The following KIAA1671 variants were observed in gnomAD, a reference collection of about 807,000 sequenced individuals.
KIAA1671 encodes the protein uncharacterized protein KIAA1671.
Under a neutral mutation model 131.2 loss-of-function variants are expected in KIAA1671, and 52 were observed. That is an observed-to-expected ratio of 0.40 (90% confidence interval 0.32 to 0.50). KIAA1671 has a LOEUF of 0.50. Among genes scored for constraint, KIAA1671 ranks in the 20% least tolerant of loss-of-function variants. The pLI, the probability that KIAA1671 is intolerant of heterozygous loss-of-function variation, is 0.73. For missense variants in KIAA1671, 2,360 were observed against 2,364.2 expected (o/e 1.00, Z 0.04); for synonymous variants, 1,003 against 961.6 (o/e 1.04, Z -0.80).
intron 1 of KIAA1671, among the ~76,000 whole-genome samples, chr22:25,016,270 C>T (rs888091204): frequency 2.0e-5 from 3 of 152,060 alleles, no homozygotes; most frequent in East Asian, 1.9e-4. Flanking sequence ...CCGCCCGCCT[C>T]GGCCTCCCAA....
chr22:25,180,279 G>A (rs989302639), intron 9 of KIAA1671, among the ~76,000 whole-genome samples: 3 of 152,340 alleles, frequency 2.0e-5, no homozygotes, highest in East Asian at 1.9e-4. Context: ...GGTGGCTCAC[G>A]CCTGTAATCC....
chr22:24,987,202 G>A (rs1923598562), intron 1 of KIAA1671, among the ~76,000 whole-genome samples: 1 of 142,900 alleles, frequency 7.0e-6, no homozygotes, highest in Non-Finnish European at 1.5e-5. Context: ...ACAGAGTCTC[G>A]CCCTGTTGCC....
In KIAA1671 at chr22:25,028,890, G is replaced by A; in HGVS notation, c.891G>A (p.Leu297=). 6.4e-7 allele frequency: 1 copy of A among 1,551,556 alleles called. No individual in the cohort carries two copies. Among genetic ancestry groups the A allele is most frequent in the East Asian group, 2.4e-5 (1 of 40,918 alleles). Residue 297 remains leucine (L), a synonymous_variant, in exon 3 of 13, where the codon TTG becomes TTA. Coordinates refer to ENST00000358431, the MANE Select transcript of KIAA1671 (RefSeq NM_001145206.2). ...LTARFENKEA[L]LRKVADEGSG... is the part of the protein sequence containing the mutation. ...CCCGGTTTGAGAACAAAGAGGCCTTGCTGAGGAAGGTGGCCGATGAAGGAA... is the reference window on the plus strand; with the variant it reads ...CCCGGTTTGAGAACAAAGAGGCCTTACTGAGGAAGGTGGCCGATGAAGGAA...
intron 5 of KIAA1671, among the ~76,000 whole-genome samples, chr22:25,045,615 G>C (rs1409571674): frequency 2.0e-5 from 3 of 152,158 alleles, no homozygotes. Context: ...TTGAGATGGA[G>C]TTTTGCTCTT....
At chr22:25,179,795 G>A (rs1413298490) in intron 9 of KIAA1671, among the ~76,000 whole-genome samples, 1 of 152,002 alleles carries the variant, frequency 6.6e-6, no homozygotes, top group Non-Finnish European at 1.5e-5. Flanking sequence ...TTCTCTTTAG[G>A]TTTGCTCGCT....
At chr22:25,147,535 G>T (rs1443255584) in intron 6 of KIAA1671, among the ~76,000 whole-genome samples, 1 of 152,074 alleles carries the variant, frequency 6.6e-6, no homozygotes, top group African/African-American at 2.4e-5. Context: ...CCAGTCCTTT[G>T]CCCTGGCCAT....
Position 25,058,308 on chromosome 22 carries a change from T to G in KIAA1671, c.4530+8944T>G, listed in dbSNP as rs553631730. 52 of 152,396 alleles carry G rather than the reference T, an allele frequency of 3.4e-4. 2 individuals are homozygous for G. Among genetic ancestry groups the G allele is most frequent in the Admixed American group, 2.9e-3 (45 of 15,304 alleles). The allele number at this position is 152,396 out of a possible 1,614,324, so 9.4% of individuals were successfully genotyped here. A position where few individuals can be genotyped will look rare whatever the true frequency, so the allele number is the denominator to read the frequency against. Reference sequence around the variant, plus strand: ...TTCCAACTGTCATCACCACCTTGCCTTAGCATGGTATGTTCATTACCATCA... The same window carrying G: ...TTCCAACTGTCATCACCACCTTGCCGTAGCATGGTATGTTCATTACCATCA... On this transcript the variant is annotated intron_variant, in intron 6 of 12. Coordinates refer to ENST00000358431, the MANE Select transcript of KIAA1671 (RefSeq NM_001145206.2).
chr22:25,032,614 C>A lies in KIAA1671; in HGVS notation c.1547C>A (p.Ser516Ter). ...PLSADLTKLF[S>*]SSASSNEVKY... ...AACTCAGATCTCTGTACCAGGTTTTCAAGTTCAGCTTCCAGCAACGAAGTC... is the reference window on the plus strand; with the variant it reads ...AACTCAGATCTCTGTACCAGGTTTTAAAGTTCAGCTTCCAGCAACGAAGTC... Residue 516 changes from serine (S) to a stop codon, truncating the protein, a stop_gained, in exon 4 of 13, where the codon TCA becomes TAA. Coordinates refer to ENST00000358431, the MANE Select transcript of KIAA1671 (RefSeq NM_001145206.2). LOFTEE classifies it high-confidence loss of function. 1 of 1,543,918 alleles carries A rather than the reference C, an allele frequency of 6.5e-7. No homozygotes were observed. The highest frequency in any genetic ancestry group is 8.8e-7 in the Non-Finnish European group (1 of 1,140,640).
intron 6 of KIAA1671, among the ~76,000 whole-genome samples, chr22:25,121,591 T>C (rs1931948134): frequency 1.3e-5 from 2 of 152,154 alleles, no homozygotes; most frequent in African/African-American, 4.8e-5. Context: ...AAAGCTTTGA[T>C]TGGTAGCATT....
chr22:25,117,636 C>CAG (rs1555880488), intron 6 of KIAA1671, among the ~76,000 whole-genome samples: 5 of 144,410 alleles, frequency 3.5e-5, no homozygotes, highest in Admixed American at 2.1e-4. Flanking sequence ...CACACACACA[C>CAG]AGACACACTG....
chr22:24,964,264 G>A (rs1922175802), intron 1 of KIAA1671, among the ~76,000 whole-genome samples: 1 of 152,018 alleles, frequency 6.6e-6, no homozygotes, highest in Admixed American at 6.6e-5. Flanking sequence ...GGGAGGCAGA[G>A]GTTGCAGTGA....
At chr22:25,140,287 A>G (rs1932787526) in intron 6 of KIAA1671, among the ~76,000 whole-genome samples, 1 of 152,156 alleles carries the variant, frequency 6.6e-6, no homozygotes, top group African/African-American at 2.4e-5. Flanking sequence ...TCCTTGCCAC[A>G]TGGGCTTTCT....
intron 6 of KIAA1671, among the ~76,000 whole-genome samples, chr22:25,151,310 T>A (rs574360287): frequency 6.7e-6 from 1 of 148,694 alleles, no homozygotes; most frequent in Non-Finnish European, 1.5e-5. Flanking sequence ...TATATACATA[T>A]ATGCATATAT....
At chr22:25,068,682 C>T (rs1390258817) in intron 6 of KIAA1671, among the ~76,000 whole-genome samples, 1 of 152,218 alleles carries the variant, frequency 6.6e-6, no homozygotes, top group African/African-American at 2.4e-5. Context: ...ATGATCTGCC[C>T]ACCTTGGCCT....
At position 25,127,536 on chromosome 22, in the gene KIAA1671, C is replaced by T. The variant is rs146784190; in HGVS notation, c.4531-43284C>T. ...CTTTTGCATCCACTTGGCTTCCCTG[C>T]CCCCCTTGCAAGATTCTTCCCATCC... is the stretch of plus-strand genomic sequence containing the variant. On this transcript the variant is annotated intron_variant, in intron 6 of 12. Transcript: ENST00000358431. Among the ~76,000 whole-genome samples, 41 of 152,268 alleles carry T rather than the reference C, an allele frequency of 2.7e-4. No homozygotes were observed. In the East Asian group the frequency reaches 7.5e-3, roughly 28 times the overall value.
At chr22:24,956,024 C>CAA (rs1167493018) in intron 1 of KIAA1671, among the ~76,000 whole-genome samples, 4 of 51,814 alleles carry the variant, frequency 7.7e-5, no homozygotes, top group African/African-American at 1.4e-4. Flanking sequence ...GACTCCGTCT[C>CAA]AAAAAAAAAA....
intron 6 of KIAA1671, among the ~76,000 whole-genome samples, chr22:25,160,401 G>T (rs562466749): frequency 9.2e-5 from 14 of 152,252 alleles, no homozygotes; most frequent in Middle Eastern, 3.4e-3. Context: ...TGTTACTCTT[G>T]CCCTGTGTCT....
At chr22:25,018,346 C>T (rs890133604) in intron 1 of KIAA1671, among the ~76,000 whole-genome samples, 4 of 151,840 alleles carry the variant, frequency 2.6e-5, no homozygotes, top group Non-Finnish European at 5.9e-5. Context: ...ATTTGGTTCC[C>T]GTTATGTTTG....
rs1926106449 is a variant in KIAA1671 at position 25,028,784 on chromosome 22, C to T, written c.785C>T (p.Ala262Val). 1.3e-6 allele frequency: 2 copies of T among 1,551,192 alleles called. No individual in the cohort carries two copies. The highest frequency in any genetic ancestry group is 1.7e-6 in the Non-Finnish European group (2 of 1,147,020). ...QPQKPGPGAA[A>V]TVGKVPPTPP... ...CAGAAGCCAGGCCCCGGCGCAGCGGCCACAGTGGGCAAAGTGCCACCCACC... is the reference window on the plus strand; with the variant it reads ...CAGAAGCCAGGCCCCGGCGCAGCGGTCACAGTGGGCAAAGTGCCACCCACC... Residue 262 changes from alanine to valine, a missense_variant, in exon 3 of 13, where the codon GCC becomes GTC. Ala to Val is a moderately conservative substitution (Grantham distance 64, BLOSUM62 0). Around this residue, in one of 3 missense-constraint regions of KIAA1671, gnomAD observed 1,185 missense variants for 1,126.2 expected, o/e 1.05. Coordinates refer to ENST00000358431, the MANE Select transcript of KIAA1671 (RefSeq NM_001145206.2).
Sources: gnomAD v4.1 joint callset for allele counts (sites outside exome capture counted in the v4.1 genomes callset) on GRCh38, gnomAD v4.1.1 for gene constraint, gnomAD v4.1.1 regional missense constraint, MANE v1.5 for transcripts, NCBI Gene and HGNC (gene_info 2026-07-23, HGNC 2026-07-21) for gene names.